The following EVC variants were observed in gnomAD, a reference collection of about 807,000 sequenced individuals.
EVC encodes the protein evC complex member EVC.
Under a neutral mutation model 118.9 loss-of-function variants are expected in EVC, and 116 were observed. The ratio of observed to expected loss-of-function variants is 0.98; its 90% CI spans 0.84 to 1.14. EVC has a LOEUF of 1.14. EVC is among the 50% of genes most tolerant of loss of function. The pLI is 0.00. For missense variants in EVC, 1,401 were observed against 1,246.4 expected (o/e 1.12, Z -1.87); for synonymous variants, 619 against 534.7 (o/e 1.16, Z -2.18).
chr4:5,745,465 C>T (rs1729233643), intron 7 of EVC, 124 bp downstream of exon 7: 6 of 996,488 alleles, frequency 6.0e-6, no homozygotes, highest in South Asian at 5.7e-5. Flanking sequence ...GCATTCTGCC[C>T]TAGAGGCAGG....
At chr4:5,809,639 G>A (rs769397101) in intron 19 of EVC, 28 bp downstream of exon 19, 434 of 1,593,938 alleles carry the variant, frequency 2.7e-4, no homozygotes, top group Non-Finnish European at 3.3e-4. Flanking sequence ...GAGTTGCAGC[G>A]GGAAGCACTC....
chr4:5,734,974 AGAGTAGTCCTGGCTGGCCTC>A (rs1020483526), intron 5 of EVC, among the ~76,000 whole-genome samples: 2 of 152,162 alleles, frequency 1.3e-5, no homozygotes, highest in Non-Finnish European at 2.9e-5. Context: ...GTTGGCAAGC[AGAGTAGTCCTGGCTGGCCTC>A]GCCCCACAGC....
At chr4:5,805,750 C>T (rs530373156) in intron 17 of EVC, among the ~76,000 whole-genome samples, 1 of 152,110 alleles carries the variant, frequency 6.6e-6, no homozygotes, top group Admixed American at 6.6e-5. Context: ...GCTGGGCCAA[C>T]CTGCTTTATG....
At chr4:5,729,034 A>C (rs994897194) in intron 2 of EVC, among the ~76,000 whole-genome samples, 3 of 151,888 alleles carry the variant, frequency 2.0e-5, no homozygotes, top group African/African-American at 7.2e-5. Context: ...CCATCTATTC[A>C]TCTGTCTACC....
chr4:5,723,864 G>C (rs1725379143), intron 2 of EVC, among the ~76,000 whole-genome samples: 1 of 152,092 alleles, frequency 6.6e-6, no homozygotes, highest in African/African-American at 2.4e-5. Flanking sequence ...CCTGAGTTCA[G>C]CCTTTTCCAT....
intron 2 of EVC, among the ~76,000 whole-genome samples, chr4:5,720,928 CTGAT>C (rs1041120954): frequency 1.6e-4 from 25 of 152,004 alleles, no homozygotes; most frequent in African/African-American, 5.1e-4. Flanking sequence ...CCTCCAAACA[CTGAT>C]TGAGCCCCTA....
At position 5,812,816 on chromosome 4, in the gene EVC, G is replaced by C. The variant is rs968778751; in HGVS notation, c.*1779G>C. Reference sequence around the variant, plus strand: ...ACTCCCACCATTCGTGGCAACCAAGGATGTCTCCAGACACTGCCCCGTGTC... The same window carrying C: ...ACTCCCACCATTCGTGGCAACCAAGCATGTCTCCAGACACTGCCCCGTGTC... On this transcript the variant is annotated 3_prime_UTR_variant, in exon 21 of 21. Transcript: ENST00000264956. The C allele has an allele frequency of 3.9e-5, 6 of 153,086 alleles. No homozygotes were observed. Among genetic ancestry groups the C allele is most frequent in the Non-Finnish European group, 5.8e-5 (4 of 68,784 alleles). 9.5% of individuals were successfully genotyped at this position (153,086 alleles called of 1,614,324 possible). A position where few individuals can be genotyped will look rare whatever the true frequency, so the allele number is the denominator to read the frequency against.
Position 5,738,872 on chromosome 4 carries a change from CT to C in EVC, c.703-2836del, listed in dbSNP as rs527936144. ...TGAGCCACCGCACCCAGCCCAACAA[CT>C]TTTTTTTAATAATCATCTTAGGCTC... On this transcript the variant is annotated intron_variant, in intron 5 of 20. Transcript: ENST00000264956. The surrounding 1 kb of genome is among the most constrained non-coding windows in gnomAD (Gnocchi z 6.5). Among the ~76,000 whole-genome samples, 312 of 152,028 alleles carry C rather than the reference CT, an allele frequency of 2.1e-3. 1 individual carries two copies. The highest frequency in any genetic ancestry group is 6.8e-3 in the African/African-American group (282 of 41,448).
At chr4:5,748,043 CTTTG>C (rs1729632119) in intron 7 of EVC, 101 bp from the exon 8 acceptor site, 2 of 1,255,806 alleles carry the variant, frequency 1.6e-6, no homozygotes, top group Non-Finnish European at 2.3e-6. Flanking sequence ...TGTTTAGAAT[CTTTG>C]TTTGTGATAG....
At chr4:5,801,859 C>T in intron 15 of EVC, 91 bp from the exon 16 acceptor site, 1 of 1,454,746 alleles carries the variant, frequency 6.9e-7, no homozygotes, top group Non-Finnish European at 9.5e-7. Flanking sequence ...AAGATCTGAA[C>T]CAGGGCATGG....
rs747452115 is a variant in EVC at position 5,758,122 on chromosome 4, T to C, written c.1563+1760T>C. ...ATAGAGACACAGGGAAGGAGGCTGT[T>C]TGAAGACAGAAGGAGGGACTGGAGT... is the stretch of plus-strand genomic sequence containing the variant. On this transcript the variant is annotated intron_variant, in intron 11 of 20. Coordinates refer to ENST00000264956, the MANE Select transcript of EVC (RefSeq NM_153717.3). 8 of 702,292 alleles carry C rather than the reference T, an allele frequency of 1.1e-5. No individual in the cohort carries two copies. The South Asian group carries it at 1.2e-4, about 10-fold the overall frequency. 43.5% of individuals were successfully genotyped at this position (702,292 alleles called of 1,614,324 possible).
chr4:5,756,463 C>T lies in EVC; in HGVS notation c.1563+101C>T. 1.1e-6 allele frequency: 1 copy of T among 948,716 alleles called. No individual in the cohort carries two copies. Among genetic ancestry groups the T allele is most frequent in the South Asian group, 1.4e-5 (1 of 71,696 alleles). 58.8% of individuals were successfully genotyped at this position (948,716 alleles called of 1,614,324 possible). A position where few individuals can be genotyped will look rare whatever the true frequency, so the allele number is the denominator to read the frequency against. Reference sequence around the variant, plus strand: ...TGGGGACCCCAGAGGTGGTTCAGGTCCAACCCCGCACTCATTGGCCGGTGA... The same window carrying T: ...TGGGGACCCCAGAGGTGGTTCAGGTTCAACCCCGCACTCATTGGCCGGTGA... On this transcript the variant is annotated intron_variant, in intron 11 of 20. Coordinates refer to ENST00000264956, the MANE Select transcript of EVC (RefSeq NM_153717.3). The surrounding 1 kb of genome is among the most constrained non-coding windows in gnomAD (Gnocchi z 4.2).
chr4:5,731,402 T>C lies in EVC; in HGVS notation c.385-23T>C, dbSNP rs1196081077. ...TCCCAGAGGCATCACATGGACTGAG[T>C]GTGACTCCTACTGCCACCCCAGCCT... On this transcript the variant is annotated intron_variant, in intron 3 of 20. Transcript: ENST00000264956. This position sits in a 1 kb window ranked among gnomAD's most constrained non-coding sequence, Gnocchi z 5.6. The C allele has an allele frequency of 2.6e-6, 4 of 1,566,386 alleles. No homozygotes were observed. The highest frequency in any genetic ancestry group is 3.3e-5 in the Admixed American group (2 of 59,760).
intron 11 of EVC, chr4:5,758,266 A>G (rs555463337): frequency 3.3e-6 from 2 of 601,242 alleles, no homozygotes. Context: ...TTTCATACTA[A>G]TGCCCTCCGG....
At chr4:5,739,923 C>T (rs1030900347) in intron 5 of EVC, among the ~76,000 whole-genome samples, 4 of 146,472 alleles carry the variant, frequency 2.7e-5, no homozygotes, top group Admixed American at 6.8e-5. Flanking sequence ...AAAGCCTTAC[C>T]GGTTCACCAA....
chr4:5,715,667 A>G (rs1464028697), intron 1 of EVC, among the ~76,000 whole-genome samples: 1 of 151,630 alleles, frequency 6.6e-6, no homozygotes, highest in African/African-American at 2.4e-5. Context: ...TTCTATCTTT[A>G]TACTTAATTT....
intron 5 of EVC, among the ~76,000 whole-genome samples, chr4:5,736,747 A>G (rs1276815605): frequency 1.7e-4 from 26 of 152,182 alleles, no homozygotes; most frequent in Admixed American, 1.7e-3. Context: ...GTATGAGACA[A>G]CAAACTTAAT....
intron 17 of EVC, 83 bp downstream of exon 17, chr4:5,804,924 T>G: frequency 8.3e-7 from 1 of 1,209,754 alleles, no homozygotes; most frequent in Non-Finnish European, 1.2e-6. Context: ...CGTCAGCAGG[T>G]GCCGTCGCGT....
chr4:5,770,246 C>T (rs1028374057), intron 11 of EVC, among the ~76,000 whole-genome samples: 30 of 152,126 alleles, frequency 2.0e-4, no homozygotes, highest in Non-Finnish European at 2.6e-4. Flanking sequence ...GCTGACCCTC[C>T]GCCCCCACAG....
Sources: allele counts gnomAD v4.1 joint callset (sites outside exome capture counted in the v4.1 genomes callset), GRCh38; gene constraint gnomAD v4.1.1; non-coding constraint Gnocchi (gnomAD v3.1); transcripts MANE v1.5; gene names NCBI Gene and HGNC (gene_info 2026-07-23, HGNC 2026-07-21).